Variants in RALYL observed in about 807,000 individuals in gnomAD.
RALYL encodes the protein RNA-binding Raly-like protein.
RALYL carries 29 observed loss-of-function variants against 35.1 expected under a neutral mutation model. That is an observed-to-expected ratio of 0.83 (90% CI 0.61 to 1.13). The LOEUF (loss-of-function observed/expected upper bound fraction) is 1.13. Among genes scored for constraint, RALYL ranks in the 50% most tolerant of loss-of-function variants. The pLI, the probability that RALYL is intolerant of heterozygous loss-of-function variation, is 0.00. For missense variants in RALYL, 359 were observed against 360.4 expected (o/e 1.00, Z 0.03); for synonymous variants, 120 against 127.6 (o/e 0.94, Z 0.40).
At chr8:84,281,107 G>C (rs1191571582) in intron 1 of RALYL, among the ~76,000 whole-genome samples, 1 of 152,094 alleles carries the variant, frequency 6.6e-6, no homozygotes, top group African/African-American at 2.4e-5. Context: ...TGACTATACA[G>C]AGGTTTTTCT....
intron 2 of RALYL, among the ~76,000 whole-genome samples, chr8:84,653,207 C>G (rs1829217717): frequency 6.6e-6 from 1 of 152,076 alleles, no homozygotes; most frequent in Non-Finnish European, 1.5e-5. Flanking sequence ...TCTTCTTCAG[C>G]TGCTTTAAAT....
In RALYL at chr8:84,446,289, G is replaced by GA. The variant is rs71562395; in HGVS notation, c.-23-83002dup. 5.3e-3 allele frequency among the ~76,000 whole-genome samples: 796 copies of GA among 151,478 alleles called. 2 individuals are homozygous for GA. Among genetic ancestry groups the GA allele is most frequent in the Non-Finnish European group, 8.5e-3 (575 of 67,800 alleles). ...AATACCCATAATGAGATCAAAGAAA[G>GA]AAAAAAAATCATAGTTCTTTTTTAA... On this transcript the variant is annotated intron_variant, in intron 1 of 8. Coordinates refer to ENST00000521268, the MANE Select transcript of RALYL (RefSeq NM_173848.7).
chr8:84,301,298 T>C (rs1022015012), intron 1 of RALYL, among the ~76,000 whole-genome samples: 1 of 152,056 alleles, frequency 6.6e-6, no homozygotes, highest in Non-Finnish European at 1.5e-5. Context: ...CCCTTCTTTC[T>C]AGCTGCCTTA....
intron 8 of RALYL, among the ~76,000 whole-genome samples, chr8:84,892,875 T>C (rs1844116305): frequency 6.6e-6 from 1 of 152,222 alleles, no homozygotes; most frequent in South Asian, 2.1e-4. Flanking sequence ...AAAATTTGGA[T>C]TTATCTACAG....
chr8:84,376,481 G>A (rs1856935450), intron 1 of RALYL, among the ~76,000 whole-genome samples: 1 of 151,846 alleles, frequency 6.6e-6, no homozygotes, highest in South Asian at 2.1e-4. Context: ...GCAATTACTA[G>A]CACCAGAAAG....
Position 84,778,445 on chromosome 8 carries a change from C to T in RALYL, c.332+3791C>T, listed in dbSNP as rs80255339. 9.1e-4 allele frequency among the ~76,000 whole-genome samples: 138 copies of T among 152,304 alleles called. 1 individual carries two copies. The East Asian group carries it at 0.026, about 29-fold the overall frequency. ...AGTGAGACTTCAAAAAGCTTACAGT[C>T]TTATGCATAAGTTAGATGCACAGAT... On this transcript the variant is annotated intron_variant, in intron 3 of 8. Coordinates refer to ENST00000521268, the MANE Select transcript of RALYL (RefSeq NM_173848.7).
At chr8:84,558,094 G>A (rs150631998) in intron 2 of RALYL, among the ~76,000 whole-genome samples, 1 of 152,216 alleles carries the variant, frequency 6.6e-6, no homozygotes, top group Non-Finnish European at 1.5e-5. Context: ...TAAATTATAA[G>A]TGTAAAGAAG....
chr8:84,276,168 T>C (rs771401059), intron 1 of RALYL, among the ~76,000 whole-genome samples: 1 of 152,182 alleles, frequency 6.6e-6, no homozygotes, highest in Non-Finnish European at 1.5e-5. Context: ...TAATAATCTA[T>C]GGTGTTTTGA....
intron 4 of RALYL, among the ~76,000 whole-genome samples, chr8:84,806,977 C>T (rs371569882): frequency 2.6e-5 from 4 of 152,096 alleles, no homozygotes; most frequent in African/African-American, 7.2e-5. Context: ...CACCACTTCA[C>T]CCCAGCGTAG....
intron 2 of RALYL, among the ~76,000 whole-genome samples, chr8:84,760,154 A>G (rs1464849371): frequency 1.3e-5 from 2 of 152,192 alleles, no homozygotes; most frequent in African/African-American, 4.8e-5. Context: ...CTATAAAATT[A>G]AAAATTATAA....
chr8:84,501,735 T>C (rs2056679477), intron 1 of RALYL, among the ~76,000 whole-genome samples: 2 of 151,432 alleles, frequency 1.3e-5, no homozygotes, highest in Admixed American at 1.3e-4. Flanking sequence ...GAAATATCTC[T>C]GGGGATGGCT....
intron 1 of RALYL, among the ~76,000 whole-genome samples, chr8:84,513,850 C>G (rs1564065527): frequency 6.6e-6 from 1 of 151,826 alleles, no homozygotes; most frequent in Non-Finnish European, 1.5e-5. Context: ...AATCCCAGCA[C>G]TTTGGGAGGC....
chr8:84,289,963 A>G lies in RALYL; in HGVS notation c.-24+105539A>G, dbSNP rs187372472. On this transcript the variant is annotated intron_variant, in intron 1 of 8. Transcript: ENST00000521268. ...AGTTTTGAATAAAAGCAACTGGGGT[A>G]GGAGACTGTCTGGTTTGAGGATGTT... is the stretch of plus-strand genomic sequence containing the variant. Among the ~76,000 whole-genome samples, 318 of 152,300 alleles carry G rather than the reference A, an allele frequency of 2.1e-3. 1 individual carries two copies. The highest frequency in any genetic ancestry group is 3.6e-3 in the Non-Finnish European group (243 of 68,014).
chr8:84,556,643 C>T (rs566699405), intron 2 of RALYL, among the ~76,000 whole-genome samples: 1 of 152,182 alleles, frequency 6.6e-6, no homozygotes, highest in East Asian at 1.9e-4. Flanking sequence ...TTTCTCTTTC[C>T]TGATGTCAGT....
chr8:84,502,793 G>A (rs1330623274), intron 1 of RALYL, among the ~76,000 whole-genome samples: 1 of 151,638 alleles, frequency 6.6e-6, no homozygotes, highest in East Asian at 1.9e-4. Context: ...ATCGAGTATT[G>A]TAAAATTACC....
rs142601376 is a variant in RALYL at position 84,258,883 on chromosome 8, G to A, written c.-24+74459G>A. The stretch of plus-strand genomic sequence containing the variant: ...GAGGACTTCCTTAATATTCCCAGGT[G>A]TGAACCAATCCCTCTTTTGTGTTCT... On this transcript the variant is annotated intron_variant, in intron 1 of 8. Coordinates refer to ENST00000521268, the MANE Select transcript of RALYL (RefSeq NM_173848.7). 7.7e-3 allele frequency among the ~76,000 whole-genome samples: 1,177 copies of A among 152,210 alleles called. 18 individuals carry two copies. The highest frequency in any genetic ancestry group is 0.027 in the African/African-American group (1,132 of 41,540).
intron 2 of RALYL, among the ~76,000 whole-genome samples, chr8:84,768,728 A>G (rs1026187894): frequency 3.3e-5 from 5 of 152,346 alleles, no homozygotes; most frequent in South Asian, 4.1e-4. Context: ...GTTAAGTCGA[A>G]CTGTCATAAC....
chr8:84,457,433 A>T (rs186197838), intron 1 of RALYL, among the ~76,000 whole-genome samples: 272 of 152,034 alleles, frequency 1.8e-3, no homozygotes, highest in African/African-American at 6.3e-3. Context: ...CATGTAGGCC[A>T]TGTTGCCTTT....
At chr8:84,729,656 AAGAG>A (rs1314388393) in intron 2 of RALYL, among the ~76,000 whole-genome samples, 1 of 152,168 alleles carries the variant, frequency 6.6e-6, no homozygotes, top group Non-Finnish European at 1.5e-5. Flanking sequence ...TAAAGAAAAA[AAGAG>A]AGAAGAATCA....
Sources: allele counts gnomAD v4.1 joint callset (sites outside exome capture counted in the v4.1 genomes callset), GRCh38; gene constraint gnomAD v4.1.1; transcripts MANE v1.5; gene names NCBI Gene and HGNC (gene_info 2026-07-23, HGNC 2026-07-21).